XPA: variants seen among roughly 807,000 people sequenced by gnomAD.
XPA encodes DNA repair protein complementing XP-A cells.
XPA carries 27 observed loss-of-function variants against 35.7 expected under a neutral mutation model. The observed-to-expected ratio is 0.76, with a 90% CI of 0.56 to 1.04. The LOEUF (loss-of-function observed/expected upper bound fraction) is 1.04. Ranked by LOEUF, XPA falls within the 50% of genes least tolerant of loss-of-function variation. XPA has a pLI of 0.00. For synonymous variants in XPA, 133 were observed against 118.4 expected (o/e 1.12, Z -0.80); for missense variants, 354 against 342.7 (o/e 1.03, Z -0.26).
chr9:97,676,230 C>CT (rs1419582389), intron 5 of XPA, among the ~76,000 whole-genome samples: 1 of 152,210 alleles, frequency 6.6e-6, no homozygotes, highest in Non-Finnish European at 1.5e-5. Context: ...TTTTACTTCA[C>CT]TTTATTTTGC....
chr9:97,685,549 G>C (rs1175766969), intron 4 of XPA, among the ~76,000 whole-genome samples: 1 of 152,036 alleles, frequency 6.6e-6, no homozygotes, highest in Non-Finnish European at 1.5e-5. Context: ...GATGTAAAAA[G>C]TCTTCATTCT....
chr9:97,685,864 G>A (rs1296597295), intron 4 of XPA, among the ~76,000 whole-genome samples: 2 of 152,186 alleles, frequency 1.3e-5, no homozygotes, highest in African/African-American at 4.8e-5. Context: ...GACTCTGAAT[G>A]TAAAGTTTAG....
the XPA span, among the ~76,000 whole-genome samples, chr9:97,669,400 A>G: frequency 6.6e-6 from 1 of 152,210 alleles, no homozygotes; most frequent in Non-Finnish European, 1.5e-5. Flanking sequence ...ATGTATTGCC[A>G]GGAAGAATGT....
chr9:97,666,199 A>G, the XPA span, among the ~76,000 whole-genome samples: 2 of 152,248 alleles, frequency 1.3e-5, no homozygotes, highest in African/African-American at 2.4e-5. Flanking sequence ...AAGCACCTAC[A>G]AAGTGATCTT....
chr9:97,696,368 G>A (rs996257343), intron 1 of XPA, among the ~76,000 whole-genome samples: 3 of 152,190 alleles, frequency 2.0e-5, no homozygotes, highest in African/African-American at 4.8e-5. Context: ...AATTCTATAA[G>A]AGAATAATCT....
At chr9:97,694,777 T>C (rs1299624330) in intron 1 of XPA, among the ~76,000 whole-genome samples, 1 of 152,200 alleles carries the variant, frequency 6.6e-6, no homozygotes, top group African/African-American at 2.4e-5. Flanking sequence ...GAAGTGAGTG[T>C]GTATGTCCAC....
chr9:97,670,197 C>T (rs558149041), downstream of XPA: 27 of 205,228 alleles, frequency 1.3e-4, no homozygotes, highest in East Asian at 2.5e-3. Context: ...GGATTATAGG[C>T]GTGAGCCACG....
At chr9:97,654,933 C>T in the XPA span, 13 of 1,607,888 alleles carry the variant, frequency 8.1e-6, 1 homozygote, top group Non-Finnish European at 1.1e-5. Flanking sequence ...TGAACACTAC[C>T]TGTGTAGACA....
the XPA span, chr9:97,666,910 G>GA: frequency 7.1e-7 from 1 of 1,402,740 alleles, no homozygotes. Context: ...AGTAGTTAAA[G>GA]AAAATATACC....
chr9:97,689,947 A>C (rs1828836883), intron 2 of XPA, among the ~76,000 whole-genome samples: 1 of 152,212 alleles, frequency 6.6e-6, no homozygotes, highest in South Asian at 2.1e-4. Context: ...AAAACAACAC[A>C]CATTTATTAT....
chr9:97,678,198 C>T (rs1828426538), intron 5 of XPA, among the ~76,000 whole-genome samples: 1 of 152,084 alleles, frequency 6.6e-6, no homozygotes, highest in South Asian at 2.1e-4. Flanking sequence ...GTCAGGAGTT[C>T]GAGACCAGCT....
the XPA span, among the ~76,000 whole-genome samples, chr9:97,661,324 A>G: frequency 1.3e-5 from 2 of 152,216 alleles, no homozygotes; most frequent in East Asian, 3.8e-4. Context: ...AAGGATTTTT[A>G]ACCCCTGCTT....
rs1828668361 is a variant in XPA at position 97,684,978 on chromosome 9, G to T, written c.618C>A (p.Val206=). 1.9e-6 allele frequency: 3 copies of T among 1,613,114 alleles called. No homozygotes were observed. Among genetic ancestry groups the T allele is most frequent in the Non-Finnish European group, 1.7e-6 (2 of 1,179,726 alleles). ...SQEALEEAKE[V]RQENREKMKQ... ...TCATTTTTTCTCGGTTTTCCTGTCG[G>T]ACTTCCTTTGCTTCTTCTAATGCTT... The change falls in exon 5 of 6, where the codon GTC becomes GTA. Residue 206 remains valine, a synonymous_variant. Transcript: ENST00000375128.
intron 5 of XPA, among the ~76,000 whole-genome samples, chr9:97,683,965 A>G (rs971206975): frequency 6.6e-6 from 1 of 152,236 alleles, no homozygotes; most frequent in Admixed American, 6.5e-5. Context: ...GAATATATAC[A>G]TAAAGTATGT....
At chr9:97,682,621 C>T (rs757331115) in intron 5 of XPA, among the ~76,000 whole-genome samples, 3 of 152,118 alleles carry the variant, frequency 2.0e-5, no homozygotes, top group Non-Finnish European at 2.9e-5. Context: ...GGAAAATGTC[C>T]TCAAAAGACA....
chr9:97,660,892 G>T, the XPA span: 1 of 1,542,448 alleles, frequency 6.5e-7, no homozygotes, highest in South Asian at 1.2e-5. Flanking sequence ...CTGTTCATTA[G>T]AATAGTCTTG....
chr9:97,669,866 G>T, the XPA span: 14 of 698,876 alleles, frequency 2.0e-5, no homozygotes, highest in Non-Finnish European at 3.1e-5. Context: ...AGAATATTTA[G>T]GCTTAAACTG....
At chr9:97,659,416 A>G in the XPA span, among the ~76,000 whole-genome samples, 1 of 151,974 alleles carries the variant, frequency 6.6e-6, no homozygotes, top group African/African-American at 2.4e-5. Context: ...TGCTTTTCAT[A>G]CTGTGTGCCT....
At chr9:97,679,538 C>T (rs1828473539) in intron 5 of XPA, among the ~76,000 whole-genome samples, 1 of 149,388 alleles carries the variant, frequency 6.7e-6, no homozygotes, top group South Asian at 2.1e-4. Context: ...AACAATCAGT[C>T]CAGCTGATGC....
Sources: allele counts gnomAD v4.1 joint callset (sites outside exome capture counted in the v4.1 genomes callset), GRCh38; gene constraint gnomAD v4.1.1; transcripts MANE v1.5; gene names NCBI Gene and HGNC (gene_info 2026-07-23, HGNC 2026-07-21).